The following ARHGEF38 variants were observed in gnomAD, a reference collection of about 807,000 sequenced individuals.
The protein encoded by ARHGEF38 is Rho guanine nucleotide exchange factor 38, also known as Rho guanine nucleotide exchange factor (GEF) 38.
In ARHGEF38, 79 loss-of-function variants were observed where a neutral mutation model predicts 79.9. That is an observed-to-expected ratio of 0.99 (90% CI 0.82 to 1.19). ARHGEF38 has a LOEUF of 1.19. ARHGEF38 is among the 50% of genes most tolerant of loss of function. The pLI is 0.00. For synonymous variants in ARHGEF38, 366 were observed against 328.3 expected (o/e 1.11, Z -1.24); for missense variants, 962 against 907.2 (o/e 1.06, Z -0.78).
intron 7 of ARHGEF38, 140 bp downstream of exon 7, chr4:105,648,822 C>CTCTCTCTCTCTCTCTCTCTCTCTCTCTT (rs1560746607): frequency 2.1e-6 from 1 of 477,610 alleles, no homozygotes; most frequent in African/African-American, 2.0e-5. Context: ...TTGTCTCCCT[C>CTCTCTCTCTCTCTCTCTCTCTCTCTCTT]TCTCTCTCTC....
intron 7 of ARHGEF38, among the ~76,000 whole-genome samples, chr4:105,652,902 T>G (rs181272056): frequency 6.6e-6 from 1 of 152,196 alleles, no homozygotes; most frequent in Non-Finnish European, 1.5e-5. Context: ...AATGTCACCA[T>G]TTTTGATACA....
chr4:105,561,424 G>GGAATAGAATAGAATAGAATAGAATA (rs1725544021), intron 1 of ARHGEF38, among the ~76,000 whole-genome samples: 2 of 53,024 alleles, frequency 3.8e-5, no homozygotes, highest in Non-Finnish European at 7.1e-5. Flanking sequence ...AGAATAGAAT[G>GGAATAGAATAGAATAGAATAGAATA]GAATAGAATA....
In ARHGEF38 at chr4:105,615,280, G is replaced by A. The variant is rs146519955; in HGVS notation, c.508+1773G>A. Among the ~76,000 whole-genome samples, 729 of 152,338 alleles carry A rather than the reference G, an allele frequency of 4.8e-3. 5 individuals are homozygous for A. Among genetic ancestry groups the A allele is most frequent in the Middle Eastern group, 0.037 (11 of 294 alleles). ...AGAGCCATTAAAAGATTTCTGGCAAGGGTGTGATGAGACACAAAAGTTTCT... is the reference window on the plus strand; with the variant it reads ...AGAGCCATTAAAAGATTTCTGGCAAAGGTGTGATGAGACACAAAAGTTTCT... On this transcript the variant is annotated intron_variant, in intron 3 of 13. Transcript: ENST00000420470.
chr4:105,561,480 GAATAGAATA>G, intron 1 of ARHGEF38: 1 of 134,198 alleles, frequency 7.5e-6, no homozygotes, highest in African/African-American at 2.9e-5. Context: ...GAATAGAATA[GAATAGAATA>G]GAATAGAATA....
At chr4:105,588,429 G>A (rs546021042) in intron 1 of ARHGEF38, among the ~76,000 whole-genome samples, 4 of 152,254 alleles carry the variant, frequency 2.6e-5, no homozygotes, top group East Asian at 1.9e-4. Flanking sequence ...GATGTTTATC[G>A]CCACTTTGAT....
chr4:105,608,069 T>G (rs976022725), intron 2 of ARHGEF38, among the ~76,000 whole-genome samples: 5 of 152,136 alleles, frequency 3.3e-5, no homozygotes, highest in Non-Finnish European at 5.9e-5. Flanking sequence ...GCAGATTCAG[T>G]GTCTGATGAG....
chr4:105,611,998 T>C (rs1728315089), intron 2 of ARHGEF38, among the ~76,000 whole-genome samples: 1 of 152,038 alleles, frequency 6.6e-6, no homozygotes, highest in Non-Finnish European at 1.5e-5. Context: ...CCATATTGCA[T>C]AAAAAATAAC....
chr4:105,647,702 C>T (rs1354926105), intron 6 of ARHGEF38, among the ~76,000 whole-genome samples: 2 of 152,062 alleles, frequency 1.3e-5, no homozygotes, highest in Admixed American at 1.3e-4. Context: ...TACACTTTTA[C>T]CAACACTGAA....
rs1056598483 is a variant in ARHGEF38, at chr4:105,604,381, T to C, written c.385-9003T>C. 4.6e-5 allele frequency among the ~76,000 whole-genome samples: 7 copies of C among 152,344 alleles called. 1 individual carries two copies. Among genetic ancestry groups the C allele is most frequent in the Admixed American group, 3.9e-4 (6 of 15,296 alleles). On this transcript the variant is annotated intron_variant, in intron 2 of 13. Transcript: ENST00000420470. ...GTTTCGTCCGTAATTCCTGTGTTAC[T>C]ACTCAAGTCTACTGTCACACATCTG...
chr4:105,611,941 A>G (rs573147958), intron 2 of ARHGEF38, among the ~76,000 whole-genome samples: 20 of 152,262 alleles, frequency 1.3e-4, no homozygotes, highest in Admixed American at 3.9e-4. Context: ...AATGATGGGA[A>G]AGTGAAAAAT....
intron 2 of ARHGEF38, among the ~76,000 whole-genome samples, chr4:105,611,063 T>C (rs11933130): frequency 0.013 from 1,915 of 152,222 alleles, 30 homozygotes; most frequent in African/African-American, 0.036. Flanking sequence ...CATGGCTCCT[T>C]TCTTCACCCT....
chr4:105,673,830 T>C (rs1013552259), intron 13 of ARHGEF38, among the ~76,000 whole-genome samples: 38 of 152,220 alleles, frequency 2.5e-4, no homozygotes, highest in African/African-American at 9.1e-4. Context: ...TCGAAATTGC[T>C]CGTGTAATTA....
chr4:105,587,675 T>A (rs1170005916), intron 1 of ARHGEF38, among the ~76,000 whole-genome samples: 1 of 152,170 alleles, frequency 6.6e-6, no homozygotes, highest in Admixed American at 6.5e-5. Flanking sequence ...TTAGCCAGGA[T>A]GATCTCGATC....
chr4:105,597,253 T>C (rs1471326353), intron 2 of ARHGEF38, among the ~76,000 whole-genome samples: 2 of 152,202 alleles, frequency 1.3e-5, no homozygotes, highest in African/African-American at 4.8e-5. Context: ...AAATGAAGCT[T>C]CTCAAAGTTA....
At chr4:105,640,873 C>T (rs1381658614) in intron 5 of ARHGEF38, among the ~76,000 whole-genome samples, 1 of 151,898 alleles carries the variant, frequency 6.6e-6, no homozygotes. Flanking sequence ...GCATTTATAC[C>T]TATGTGCTTA....
chr4:105,657,140 T>G lies in ARHGEF38; in HGVS notation c.1233+1418T>G, dbSNP rs541752591. ...TTCTTTATGTATTTTCTGCATTTAA[T>G]TATAGAGAGCACACATTCTAGAAGT... On this transcript the variant is annotated intron_variant, in intron 9 of 13. Coordinates refer to ENST00000420470, the MANE Select transcript of ARHGEF38 (RefSeq NM_001242729.2). Among the ~76,000 whole-genome samples the G allele has an allele frequency of 2.0e-5, 3 of 152,300 alleles. No homozygotes were observed. In the East Asian group the frequency reaches 5.8e-4, roughly 29 times the overall value.
At chr4:105,580,666 G>A (rs530479483) in intron 1 of ARHGEF38, among the ~76,000 whole-genome samples, 33 of 152,244 alleles carry the variant, frequency 2.2e-4, no homozygotes, top group East Asian at 7.7e-4. Flanking sequence ...AGTATGTGCC[G>A]TGTGGCAATG....
intron 2 of ARHGEF38, among the ~76,000 whole-genome samples, chr4:105,591,510 T>C (rs534681477): frequency 3.3e-5 from 5 of 152,334 alleles, no homozygotes; most frequent in Admixed American, 6.5e-5. Context: ...ATTACAGGCG[T>C]GAGCCACCAT....
At chr4:105,665,518 T>G (rs539342608) in intron 10 of ARHGEF38, among the ~76,000 whole-genome samples, 1 of 152,030 alleles carries the variant, frequency 6.6e-6, no homozygotes, top group Non-Finnish European at 1.5e-5. Context: ...CCCAGGCTGG[T>G]CTTGAACTCC....
Sources: allele counts gnomAD v4.1 joint callset (sites outside exome capture counted in the v4.1 genomes callset), GRCh38; gene constraint gnomAD v4.1.1; transcripts MANE v1.5; gene names NCBI Gene and HGNC (gene_info 2026-07-23, HGNC 2026-07-21).